Variants in ARHGEF4 observed in about 807,000 individuals in gnomAD.
ARHGEF4 encodes Rho guanine nucleotide exchange factor 4.
A neutral mutation model predicts 162.0 loss-of-function variants in ARHGEF4; 119 were observed. The observed-to-expected ratio is 0.73, with a 90% CI of 0.63 to 0.86. The LOEUF is 0.86. Among genes scored for constraint, ARHGEF4 ranks in the 40% least tolerant of loss-of-function variants. ARHGEF4 has a pLI of 0.00. For synonymous variants in ARHGEF4, 1,014 were observed against 979.9 expected, an observed-to-expected ratio of 1.03 and a Z score of -0.65; for missense variants, 2,488 against 2,456.0, an observed-to-expected ratio of 1.01 and a Z score of -0.28.
At chr2:131,017,470 C>G (rs1403834762) in intron 4 of ARHGEF4, among the ~76,000 whole-genome samples, 1 of 152,192 alleles carries the variant, frequency 6.6e-6, no homozygotes, top group Admixed American at 6.5e-5. Context: ...TACTGGGAGA[C>G]TCATGTTGAA....
rs1049153648 is a variant in ARHGEF4, at chr2:131,001,704, G to T, written c.3986-26241G>T. Among the ~76,000 whole-genome samples, 4 of 152,154 alleles carry T rather than the reference G, an allele frequency of 2.6e-5. No homozygotes were observed. In the East Asian group the frequency reaches 7.7e-4, roughly 29 times the overall value. On this transcript the variant is annotated intron_variant, in intron 4 of 13. Coordinates refer to ENST00000409359, the MANE Select transcript of ARHGEF4 (RefSeq NM_001367493.1). ...GCAGGCAGCTGTGTGCTGAGGCTTCGAGGTTATACCCAAGAAACATGGAAA... is the reference window on the plus strand; with the variant it reads ...GCAGGCAGCTGTGTGCTGAGGCTTCTAGGTTATACCCAAGAAACATGGAAA...
chr2:130,898,759 G>A (rs927600637), intron 1 of ARHGEF4, among the ~76,000 whole-genome samples: 3 of 152,190 alleles, frequency 2.0e-5, no homozygotes, highest in African/African-American at 7.2e-5. Context: ...CATTTCTCAG[G>A]ACTAAGCCAG....
chr2:130,868,417 G>T (rs1682454477), intron 1 of ARHGEF4, among the ~76,000 whole-genome samples: 1 of 150,942 alleles, frequency 6.6e-6, no homozygotes, highest in African/African-American at 2.4e-5. Flanking sequence ...ACACTTCCCA[G>T]GGAAGCTGAA....
chr2:131,019,974 A>G (rs1487294876), intron 4 of ARHGEF4, among the ~76,000 whole-genome samples: 2 of 152,210 alleles, frequency 1.3e-5, no homozygotes, highest in Admixed American at 1.3e-4. Flanking sequence ...TGAAATTTTC[A>G]AAAGTTTCCT....
At chr2:130,856,860 A>G (rs1301161810) in intron 1 of ARHGEF4, among the ~76,000 whole-genome samples, 1 of 152,236 alleles carries the variant, frequency 6.6e-6, no homozygotes, top group Non-Finnish European at 1.5e-5. Context: ...ATTGGGAACA[A>G]AGCTGCAGTG....
At position 130,917,119 on chromosome 2, in the gene ARHGEF4, G is replaced by C; in HGVS notation, c.3173G>C (p.Ser1058Thr). The change falls in exon 2 of 14, where the codon AGC becomes ACC. Residue 1058 changes from serine (S) to threonine (T), a missense_variant. Physicochemically the swap from Ser to Thr is moderately conservative, Grantham distance 58 (BLOSUM62 1). Around this residue, in one of 6 missense-constraint regions of ARHGEF4, gnomAD observed 1,642 missense variants for 1,481.5 expected, o/e 1.11. Transcript: ENST00000409359. ...PEKSWLASPG[S>T]PRAQQAGIAH... ...AAGTCCTGGCTGGCGTCCCCCGGCA[G>C]CCCTCGGGCCCAGCAGGCTGGAATC... 6.4e-7 allele frequency: 1 copy of C among 1,550,456 alleles called. No homozygotes were observed. The highest frequency in any genetic ancestry group is 8.7e-7 in the Non-Finnish European group (1 of 1,146,968).
rs568276196 is a variant in ARHGEF4 at position 130,865,898 on chromosome 2, A to G, written c.39+28906A>G. Among the ~76,000 whole-genome samples the G allele has an allele frequency of 2.6e-5, 4 of 152,232 alleles. No individual in the cohort carries two copies. In the East Asian group the frequency reaches 7.7e-4, roughly 29 times the overall value. ...GATCTCTGGTGCCTGACCAGCCCAG[A>G]GGAGCAGTAGACTCACACCCCATTC... On this transcript the variant is annotated intron_variant, in intron 1 of 13. Transcript: ENST00000409359.
intron 1 of ARHGEF4, among the ~76,000 whole-genome samples, chr2:130,895,871 G>A (rs904463133): frequency 1.3e-5 from 2 of 151,936 alleles, no homozygotes; most frequent in Admixed American, 1.3e-4. Context: ...TTCTTTTATG[G>A]TTTGAGCTTT....
At chr2:130,912,343 C>T (rs964130811) in intron 1 of ARHGEF4, among the ~76,000 whole-genome samples, 1 of 152,220 alleles carries the variant, frequency 6.6e-6, no homozygotes, top group Non-Finnish European at 1.5e-5. Flanking sequence ...TCCTCTGGGA[C>T]GTCCTGTAAC....
chr2:130,941,210 A>T (rs982314744), intron 3 of ARHGEF4, among the ~76,000 whole-genome samples: 2 of 145,258 alleles, frequency 1.4e-5, no homozygotes, highest in Non-Finnish European at 3.0e-5. Context: ...TCCATTTATA[A>T]TTTTTTTTTT....
intron 1 of ARHGEF4, among the ~76,000 whole-genome samples, chr2:130,904,713 T>C (rs1212804531): frequency 2.0e-5 from 3 of 152,042 alleles, no homozygotes; most frequent in African/African-American, 7.2e-5. Flanking sequence ...TTTTTGCAAA[T>C]ATTTTTAAAT....
rs567459207 is a variant in ARHGEF4 at position 131,041,900 on chromosome 2, A to T, written c.4981A>T (p.Ile1661Phe). The T allele has an allele frequency of 6.2e-6, 10 of 1,613,670 alleles. No individual in the cohort carries two copies. The highest frequency in any genetic ancestry group is 3.4e-6 in the Non-Finnish European group (4 of 1,180,022). Residue 1661 changes from isoleucine to phenylalanine, a missense_variant, in exon 10 of 14, where the codon ATC becomes TTC. Ile to Phe is a conservative substitution (Grantham distance 21). Coordinates refer to ENST00000409359, the MANE Select transcript of ARHGEF4 (RefSeq NM_001367493.1). ...INERKRRLEN[I>F]DKIAQWQSSI... ...CGAGCGGAAGCGGAGACTTGAGAAC[A>T]TCGACAAGATTGCTCAGTGGCAGAG... is the stretch of plus-strand genomic sequence containing the variant.
At chr2:130,922,922 T>TTA (rs1681972835) in intron 2 of ARHGEF4, among the ~76,000 whole-genome samples, 1 of 40,758 alleles carries the variant, frequency 2.5e-5, no homozygotes, top group African/African-American at 3.4e-5. Flanking sequence ...CCCTCTTTAA[T>TTA]GATATATATA....
intron 1 of ARHGEF4, among the ~76,000 whole-genome samples, chr2:130,867,850 A>G (rs1429266921): frequency 6.6e-6 from 1 of 151,294 alleles, no homozygotes; most frequent in Non-Finnish European, 1.5e-5. Context: ...CAGAGTCCTC[A>G]GGCAGCCGCC....
intron 1 of ARHGEF4, among the ~76,000 whole-genome samples, chr2:130,870,387 G>A (rs909354176): frequency 4.6e-5 from 7 of 152,298 alleles, no homozygotes; most frequent in African/African-American, 1.7e-4. Flanking sequence ...AAGTGTACAG[G>A]GGCAGGGCTG....
rs534484812 is a variant in ARHGEF4, at chr2:131,039,706, A to C, written c.4306-310A>C. On this transcript the variant is annotated intron_variant, in intron 6 of 13. Transcript: ENST00000409359. Reference sequence around the variant, plus strand: ...CCTGCTTCTGCCCGCTGGGGCTGGCAGGAGCAGGCACTGGTTCAGGAACTG... The same window carrying C: ...CCTGCTTCTGCCCGCTGGGGCTGGCCGGAGCAGGCACTGGTTCAGGAACTG... 5.5e-6 allele frequency: 7 copies of C among 1,271,004 alleles called. No homozygotes were observed. The Admixed American group carries it at 2.0e-4, about 37-fold the overall frequency. 78.7% of individuals were successfully genotyped at this position (1,271,004 alleles called of 1,614,324 possible).
Position 130,885,723 on chromosome 2 carries a change from C to G in ARHGEF4, c.40-28263C>G, listed in dbSNP as rs1353961187. 2.0e-5 allele frequency among the ~76,000 whole-genome samples: 3 copies of G among 151,604 alleles called. 1 individual carries two copies. Among genetic ancestry groups the G allele is most frequent in the African/African-American group, 7.3e-5 (3 of 41,048 alleles). On this transcript the variant is annotated intron_variant, in intron 1 of 13. Coordinates refer to ENST00000409359, the MANE Select transcript of ARHGEF4 (RefSeq NM_001367493.1). ...CAGCTGGGACTACAGGCGCCCGCCA[C>G]CATGCCTGGCTAATTTTTTTGTATT...
intron 1 of ARHGEF4, among the ~76,000 whole-genome samples, chr2:130,874,394 C>G (rs1200260485): frequency 6.6e-6 from 1 of 152,230 alleles, no homozygotes; most frequent in Non-Finnish European, 1.5e-5. Context: ...CCAGGCCCTC[C>G]TCAGGCCCAC....
rs566909274 is a variant in ARHGEF4 at position 130,971,738 on chromosome 2, C to T, written c.3985+25103C>T. 4.7e-5 allele frequency among the ~76,000 whole-genome samples: 7 copies of T among 150,460 alleles called. No homozygotes were observed. The South Asian group carries it at 1.3e-3, about 27-fold the overall frequency. On this transcript the variant is annotated intron_variant, in intron 4 of 13. Coordinates refer to ENST00000409359, the MANE Select transcript of ARHGEF4 (RefSeq NM_001367493.1). The stretch of plus-strand genomic sequence containing the variant: ...AGTTTTGATATGGATTGTGTTGAAT[C>T]TGTAGATCAGTTTTGGGAGGATTGA...
Sources: gnomAD v4.1 joint callset for allele counts (sites outside exome capture counted in the v4.1 genomes callset) on GRCh38, gnomAD v4.1.1 for gene constraint, gnomAD v4.1.1 regional missense constraint, MANE v1.5 for transcripts, NCBI Gene and HGNC (gene_info 2026-07-23, HGNC 2026-07-21) for gene names.